The following KIF13B variants were observed in gnomAD, a reference collection of about 807,000 sequenced individuals.
KIF13B encodes kinesin-like protein KIF13B.
In KIF13B, 127 loss-of-function variants were observed where a neutral mutation model predicts 222.0. That is an observed-to-expected ratio of 0.57 (90% CI 0.50 to 0.66). The LOEUF (loss-of-function observed/expected upper bound fraction) is 0.66. Among genes scored for constraint, KIF13B ranks in the 30% least tolerant of loss-of-function variants. The probability of loss-of-function intolerance (pLI) is 0.00; values close to 1 mark genes in which losing one functional copy is unlikely to be tolerated. For synonymous variants in KIF13B, 976 were observed against 919.0 expected, an observed-to-expected ratio of 1.06 and a Z score of -1.12; for missense variants, 2,173 against 2,379.0, an observed-to-expected ratio of 0.91 and a Z score of 1.80.
At chr8:29,177,935 T>C (rs1431951339) in intron 8 of KIF13B, among the ~76,000 whole-genome samples, 1 of 152,174 alleles carries the variant, frequency 6.6e-6, no homozygotes, top group South Asian at 2.1e-4. Flanking sequence ...AAAGCAGTTC[T>C]GTCACAACCA....
In KIF13B at chr8:29,122,542, G is replaced by A. The variant is rs369184750; in HGVS notation, c.3535+49C>T. The A allele has an allele frequency of 3.3e-4, 485 of 1,456,996 alleles. 1 individual carries two copies. The highest frequency in any genetic ancestry group is 4.1e-4 in the Non-Finnish European group (429 of 1,049,038). The allele number at this position is 1,456,996 out of a possible 1,614,324, so 90.3% of individuals were successfully genotyped here. On this transcript the variant is annotated intron_variant, in intron 29 of 39. Transcript: ENST00000524189. The stretch of plus-strand genomic sequence containing the variant: ...TTGGTTGGAATCTACATGTTATGTA[G>A]GCACTAAATTTTCAGAGGTAAGCCT...
chr8:29,105,582 G>C (rs1277810780), intron 35 of KIF13B, among the ~76,000 whole-genome samples: 1 of 149,854 alleles, frequency 6.7e-6, no homozygotes, highest in Non-Finnish European at 1.5e-5. Context: ...ACTTTTCTTT[G>C]AAGTAGATTC....
rs1810148569 is a variant in KIF13B, at chr8:29,127,147, G to A, written c.3197C>T (p.Ala1066Val). The stretch of plus-strand genomic sequence containing the variant: ...ATGGAAGGTCTCATGTGTTCTGGGG[G>A]CTCTGAGCGGTCTAACTTTGACACA... ...IGCVKVRPLR[A>V]PRTHETFHEE... Residue 1066 changes from alanine (A) to valine (V), a missense_variant, in exon 25 of 40, where the codon GCC becomes GTC. Physicochemically the swap from Ala to Val is moderately conservative, Grantham distance 64 (BLOSUM62 0). Around this residue, in one of 2 missense-constraint regions of KIF13B, gnomAD observed 1,480 missense variants for 1,722.8 expected, o/e 0.86. Coordinates refer to ENST00000524189, the MANE Select transcript of KIF13B (RefSeq NM_015254.4). The A allele has an allele frequency of 6.2e-7, 1 of 1,613,928 alleles. No individual in the cohort carries two copies. Among genetic ancestry groups the A allele is most frequent in the Non-Finnish European group, 8.5e-7 (1 of 1,179,842 alleles).
At chr8:29,236,876 G>C (rs1815532962) in intron 2 of KIF13B, among the ~76,000 whole-genome samples, 1 of 151,954 alleles carries the variant, frequency 6.6e-6, no homozygotes, top group Non-Finnish European at 1.5e-5. Flanking sequence ...AATCTAACAA[G>C]ATGCACAACA....
chr8:29,262,789 GGGAA>G, intron 1 of KIF13B, among the ~76,000 whole-genome samples, 187 bp downstream of exon 1: 2 of 151,514 alleles, frequency 1.3e-5, no homozygotes, highest in East Asian at 3.9e-4. Context: ...CTGGCCAGGG[GGGAA>G]GGGAGGGGAG....
At chr8:29,103,021 T>C (rs914768917) in intron 35 of KIF13B, among the ~76,000 whole-genome samples, 4 of 152,202 alleles carry the variant, frequency 2.6e-5, no homozygotes, top group Middle Eastern at 3.4e-3. Context: ...GGCAGGCAGA[T>C]CACGAGGTCA....
chr8:29,070,800 G>A lies in KIF13B; in HGVS notation c.5219-34C>T, dbSNP rs753785841. The A allele has an allele frequency of 1.3e-5, 21 of 1,575,778 alleles. No homozygotes were observed. The highest frequency in any genetic ancestry group is 1.5e-5 in the Non-Finnish European group (18 of 1,161,562). On this transcript the variant is annotated intron_variant, in intron 39 of 39. Transcript: ENST00000524189. The surrounding 1 kb of genome is among the most constrained non-coding windows in gnomAD (Gnocchi z 4.1). ...GAAGGAGAGGGTGATATGGAGGGCA[G>A]CCGAGCTGCAGACGGCCCCCTGCAC...
chr8:29,123,668 T>C (rs1483837993), intron 27 of KIF13B, among the ~76,000 whole-genome samples, 176 bp from the exon 28 acceptor site: 1 of 152,226 alleles, frequency 6.6e-6, no homozygotes, highest in Non-Finnish European at 1.5e-5. Context: ...GAGGCCATCT[T>C]CAGTTCCTGG....
intron 2 of KIF13B, among the ~76,000 whole-genome samples, chr8:29,212,081 G>A (rs1286560007): frequency 6.6e-6 from 1 of 152,062 alleles, no homozygotes; most frequent in Non-Finnish European, 1.5e-5. Flanking sequence ...CCATTTACCA[G>A]TTGATAGGCA....
intron 21 of KIF13B, among the ~76,000 whole-genome samples, chr8:29,137,671 G>A (rs544958873): frequency 2.0e-5 from 3 of 151,888 alleles, no homozygotes; most frequent in Admixed American, 6.6e-5. Flanking sequence ...ATTTGTCCTC[G>A]TCCTTTTTAC....
intron 10 of KIF13B, among the ~76,000 whole-genome samples, chr8:29,171,792 C>G (rs900424340): frequency 5.1e-5 from 7 of 137,778 alleles, no homozygotes; most frequent in African/African-American, 2.0e-4. Context: ...GAGTCTCACT[C>G]TGTCGCCCAG....
intron 1 of KIF13B, among the ~76,000 whole-genome samples, chr8:29,254,485 G>C (rs1173894280): frequency 6.6e-6 from 1 of 152,156 alleles, no homozygotes; most frequent in Admixed American, 6.5e-5. Context: ...TATAGTTTTT[G>C]AAATAAGGGG....
chr8:29,125,141 T>A (rs148649749), intron 26 of KIF13B, among the ~76,000 whole-genome samples: 2 of 152,346 alleles, frequency 1.3e-5, no homozygotes, highest in Non-Finnish European at 2.9e-5. Context: ...TTTCTATATG[T>A]CAAAACAGGC....
At chr8:29,077,807 G>T (rs903745347) in intron 37 of KIF13B, among the ~76,000 whole-genome samples, 15 of 152,248 alleles carry the variant, frequency 9.9e-5, no homozygotes, top group African/African-American at 3.6e-4. Context: ...ATGTAAAAAA[G>T]TTCAGCTCAA....
intron 2 of KIF13B, among the ~76,000 whole-genome samples, chr8:29,198,089 T>C (rs1813521895): frequency 6.6e-6 from 1 of 152,230 alleles, no homozygotes; most frequent in Admixed American, 6.5e-5. Context: ...TCAAGTGATT[T>C]CTGACAAGAA....
intron 1 of KIF13B, among the ~76,000 whole-genome samples, chr8:29,252,787 T>C (rs896452059): frequency 6.6e-6 from 1 of 152,208 alleles, no homozygotes; most frequent in East Asian, 1.9e-4. Context: ...ACACTACCTA[T>C]ACTACTTTGT....
chr8:29,092,074 T>G (rs2133547342), intron 37 of KIF13B, among the ~76,000 whole-genome samples: 1 of 152,356 alleles, frequency 6.6e-6, no homozygotes, highest in South Asian at 2.1e-4. Flanking sequence ...ACAACAGAAC[T>G]TGCCCTGTAT....
intron 2 of KIF13B, among the ~76,000 whole-genome samples, chr8:29,213,395 G>A (rs1164385703): frequency 1.3e-5 from 2 of 152,220 alleles, no homozygotes; most frequent in African/African-American, 4.8e-5. Flanking sequence ...AATGAGGGAA[G>A]TGAGGCTTAA....
At chr8:29,149,178 T>C (rs1258258359) in intron 15 of KIF13B, among the ~76,000 whole-genome samples, 1 of 152,190 alleles carries the variant, frequency 6.6e-6, no homozygotes, top group Non-Finnish European at 1.5e-5. Context: ...AACGGGATAT[T>C]CAAAATTTGT....
Sources: gnomAD v4.1 joint callset for allele counts (sites outside exome capture counted in the v4.1 genomes callset) on GRCh38, gnomAD v4.1.1 for gene constraint, gnomAD v4.1.1 regional missense constraint, Gnocchi (gnomAD v3.1) non-coding constraint, MANE v1.5 for transcripts, NCBI Gene and HGNC (gene_info 2026-07-23, HGNC 2026-07-21) for gene names.